FOXM1: variants seen among roughly 807,000 people sequenced by gnomAD.
The protein encoded by FOXM1 is forkhead box protein M1.
In FOXM1, 25 loss-of-function variants were observed where a neutral mutation model predicts 63.6. That is an observed-to-expected ratio of 0.39 (90% CI 0.29 to 0.55). The LOEUF (loss-of-function observed/expected upper bound fraction) is 0.55. Among genes scored for constraint, FOXM1 ranks in the 20% least tolerant of loss-of-function variants. The pLI is 0.60. For missense variants in FOXM1, 879 were observed against 958.7 expected (o/e 0.92, Z 1.10); for synonymous variants, 387 against 376.9 (o/e 1.03, Z -0.31).
chr12:2,859,519 G>C lies in FOXM1; in HGVS notation c.1411C>G (p.Pro471Ala). ...EEEIQPGEEM[P>A]HLARPIKVES... is the part of the protein sequence containing the mutation. ...ACTTTGATGGGTCTCGCTAAGTGTG[G>C]CATTTCCTCCCCAGGCTGGATTTCT... is the stretch of plus-strand genomic sequence containing the variant. Residue 471 changes from proline (P) to alanine (A), a missense_variant, in exon 9 of 9, where the codon CCA (proline) becomes GCA (alanine). Pro to Ala is a conservative substitution (Grantham distance 27). Coordinates refer to ENST00000359843, the MANE Select transcript of FOXM1 (RefSeq NM_021953.4). 6.2e-7 allele frequency: 1 copy of C among 1,613,998 alleles called. No homozygotes were observed. The highest frequency in any genetic ancestry group is 8.5e-7 in the Non-Finnish European group (1 of 1,179,996).
Position 2,859,317 on chromosome 12 carries a change from C to T in FOXM1, c.1613G>A (p.Arg538Lys). 1 of 1,613,556 alleles carries T rather than the reference C, an allele frequency of 6.2e-7. No individual in the cohort carries two copies. The highest frequency in any genetic ancestry group is 8.5e-7 in the Non-Finnish European group (1 of 1,179,948). Residue 538 changes from arginine to lysine, a missense_variant, in exon 9 of 9, where the codon AGG (arginine) becomes AAG (lysine). By Grantham distance (26) the Arg-to-Lys change is conservative (BLOSUM62 2). Transcript: ENST00000359843. ...TCTCCGAGACCGGCTCCTCTCCCTC[C>T]TCTCCCTGTGTTGAATCACAAGCAT... is the stretch of plus-strand genomic sequence containing the variant. The part of the protein sequence containing the change: ...SEMLVIQHRE[R>K]RERSRSRRKQ...
At position 2,864,999 on chromosome 12, in the gene FOXM1, C is replaced by T; in HGVS notation, c.1021-247G>A. On this transcript the variant is annotated intron_variant, in intron 6 of 8. Transcript: ENST00000359843. This position sits in a 1 kb window ranked among gnomAD's most constrained non-coding sequence, Gnocchi z 5.1. ...TACCGCTTCACCCACGTGTCCTCAA[C>T]ACCCCTGGGGGATGCCAGAGCAGGT... The T allele has an allele frequency of 1.7e-6, 1 of 595,056 alleles. No homozygotes were observed. Among genetic ancestry groups the T allele is most frequent in the Non-Finnish European group, 3.0e-6 (1 of 332,370 alleles). The allele number at this position is 595,056 out of a possible 1,614,324, so 36.9% of individuals were successfully genotyped here.
chr12:2,866,611 C>T (rs527842541), intron 4 of FOXM1, 90 bp from the exon 5 acceptor site: 5 of 1,366,512 alleles, frequency 3.7e-6, no homozygotes, highest in South Asian at 3.3e-5. Context: ...CCTCAGGCCC[C>T]TCCCACTGTG....
rs779755670 is a variant in FOXM1 at position 2,874,363 on chromosome 12, T to C, written c.116A>G (p.Gln39Arg). 11 of 1,614,120 alleles carry C rather than the reference T, an allele frequency of 6.8e-6. No homozygotes were observed. The highest frequency in any genetic ancestry group is 8.5e-6 in the Non-Finnish European group (10 of 1,180,026). ...EEEPKRSPAQ[Q>R]ESNQAEASKE... ...GGAGGCCTCTGCTTGATTAGACTCCTGTTGGGCAGGGGATCTCTTAGGTTC... is the reference window on the plus strand; with the variant it reads ...GGAGGCCTCTGCTTGATTAGACTCCCGTTGGGCAGGGGATCTCTTAGGTTC... The change falls in exon 2 of 9, where the codon CAG becomes CGG. Residue 39 changes from glutamine to arginine, a missense_variant. Around this residue, in one of 4 missense-constraint regions of FOXM1, gnomAD observed 255 missense variants for 292.4 expected, o/e 0.87. Coordinates refer to ENST00000359843, the MANE Select transcript of FOXM1 (RefSeq NM_021953.4). The surrounding 1 kb of genome is among the most constrained non-coding windows in gnomAD (Gnocchi z 4.3).
chr12:2,869,587 C>A (rs553137622), intron 3 of FOXM1, among the ~76,000 whole-genome samples: 10 of 151,894 alleles, frequency 6.6e-5, no homozygotes, highest in African/African-American at 2.4e-4. Context: ...AGGTGCCTGC[C>A]ACCACGCCCA....
At chr12:2,863,492 G>C (rs2098117688) in intron 8 of FOXM1, among the ~76,000 whole-genome samples, 1 of 151,318 alleles carries the variant, frequency 6.6e-6, no homozygotes, top group South Asian at 2.1e-4. Flanking sequence ...GGACTCAAGT[G>C]ATCCTTCTGC....
chr12:2,874,259 G>T lies in FOXM1; in HGVS notation c.220C>A (p.Gln74Lys), dbSNP rs1489288714. 2 of 1,614,078 alleles carry T rather than the reference G, an allele frequency of 1.2e-6. No individual in the cohort carries two copies. The highest frequency in any genetic ancestry group is 1.7e-6 in the Non-Finnish European group (2 of 1,180,058). ...IINHPTMPNT[Q>K]VVAIPNNANI... ...GCATTGTTGGGGATGGCCACTACTT[G>T]CGTGTTGGGCATGGTGGGGTGGTTA... The change falls in exon 2 of 9, where the codon CAA becomes AAA. Residue 74 changes from glutamine (Q) to lysine (K), a missense_variant. By Grantham distance (53) the Gln-to-Lys change is moderately conservative. Coordinates refer to ENST00000359843, the MANE Select transcript of FOXM1 (RefSeq NM_021953.4). This position sits in a 1 kb window ranked among gnomAD's most constrained non-coding sequence, Gnocchi z 4.3.
In FOXM1 at chr12:2,859,540, TTTC is replaced by T. The variant is rs865864039; in HGVS notation, c.1387_1389del (p.Glu463del). The T allele has an allele frequency of 3.0e-5, 49 of 1,613,964 alleles. No homozygotes were observed. The highest frequency in any genetic ancestry group is 3.9e-5 in the Non-Finnish European group (46 of 1,179,996). On this transcript the variant is annotated inframe_deletion, in exon 9 of 9. Transcript: ENST00000359843. ...TGTGGCATTTCCTCCCCAGGCTGGA[TTTC>T]TTCCTCCTTGATAGTCTGAACTGGA... is the stretch of plus-strand genomic sequence containing the variant.
intron 4 of FOXM1, among the ~76,000 whole-genome samples, chr12:2,867,102 A>G (rs28918671): frequency 0.041 from 6,161 of 152,002 alleles, 406 homozygotes; most frequent in African/African-American, 0.14. Flanking sequence ...GAAGTTAGCC[A>G]AGATCATGTC....
At chr12:2,862,157 C>T (rs1260254975) in intron 8 of FOXM1, among the ~76,000 whole-genome samples, 13 of 141,786 alleles carry the variant, frequency 9.2e-5, no homozygotes, top group African/African-American at 2.4e-4. Flanking sequence ...CCAGCCTGGG[C>T]GACAGAGTGA....
intron 8 of FOXM1, among the ~76,000 whole-genome samples, chr12:2,862,928 T>A: frequency 6.6e-6 from 1 of 152,172 alleles, no homozygotes; most frequent in African/African-American, 2.4e-5. Flanking sequence ...CTGAAGGGGA[T>A]GGGGGAAGCT....
chr12:2,872,192 C>G lies in FOXM1; in HGVS notation c.558G>C (p.Trp186Cys), dbSNP rs775957382. The G allele has an allele frequency of 4.3e-6, 7 of 1,614,090 alleles. No individual in the cohort carries two copies. The Admixed American group carries it at 6.7e-5, about 15-fold the overall frequency. The change falls in exon 3 of 9, where the codon TGG (tryptophan) becomes TGC (cysteine). Residue 186 changes from tryptophan (W) to cysteine (C), a missense_variant. By Grantham distance (215) the Trp-to-Cys change is radical. Coordinates refer to ENST00000359843, the MANE Select transcript of FOXM1 (RefSeq NM_021953.4). The surrounding 1 kb of genome is among the most constrained non-coding windows in gnomAD (Gnocchi z 4.0). Reference sequence around the variant, plus strand: ...GTCCATCAGAACTCATCTTTCGAAGCCACTGGATGTTGGATAGGCTATTGT... The same window carrying G: ...GTCCATCAGAACTCATCTTTCGAAGGCACTGGATGTTGGATAGGCTATTGT... The part of the protein sequence containing the change: ...TINNSLSNIQ[W>C]LRKMSSDGLG...
chr12:2,862,857 A>AT (rs2098116492), intron 8 of FOXM1, among the ~76,000 whole-genome samples: 1 of 151,946 alleles, frequency 6.6e-6, no homozygotes, highest in Non-Finnish European at 1.5e-5. Flanking sequence ...GATTTTATAT[A>AT]TTAAAAAAAA....
chr12:2,870,079 C>T (rs1245845975), intron 3 of FOXM1, among the ~76,000 whole-genome samples: 2 of 151,562 alleles, frequency 1.3e-5, no homozygotes, highest in African/African-American at 2.4e-5. Context: ...CAAGCTCTGC[C>T]TCCTGGGTTC....
rs1338704948 is a variant in FOXM1 at position 2,872,342 on chromosome 12, G to C, written c.503-95C>G. ...GGTGGCTAGCAGGCCGGGTGCAGTG[G>C]CTCACACCTGTAATCCTAGCACTTT... On this transcript the variant is annotated intron_variant, in intron 2 of 8. Coordinates refer to ENST00000359843, the MANE Select transcript of FOXM1 (RefSeq NM_021953.4). The surrounding 1 kb of genome is among the most constrained non-coding windows in gnomAD (Gnocchi z 4.0). The C allele has an allele frequency of 1.3e-5, 17 of 1,300,794 alleles. No individual in the cohort carries two copies. The highest frequency in any genetic ancestry group is 1.6e-5 in the Non-Finnish European group (15 of 915,164). The allele number at this position is 1,300,794 out of a possible 1,614,324, so 80.6% of individuals were successfully genotyped here.
In FOXM1 at chr12:2,859,277, C is replaced by T. The variant is rs556861533; in HGVS notation, c.1653G>A (p.Leu551=). 2.5e-6 allele frequency: 4 copies of T among 1,613,664 alleles called. No homozygotes were observed. Among genetic ancestry groups the T allele is most frequent in the Non-Finnish European group, 2.5e-6 (3 of 1,179,984 alleles). The change falls in exon 9 of 9, where the codon CTG becomes CTA. Residue 551 remains leucine (L), a synonymous_variant. Transcript: ENST00000359843. ...GCTCCGGCTCATCCACACAGGGAGG[C>T]AGTAGATGCTGTTTTCTCCGAGACC... The part of the protein sequence containing the change: ...RSRSRRKQHL[L]PPCVDEPELL...
In FOXM1 at chr12:2,872,371, A is replaced by C. The variant is rs2098134669; in HGVS notation, c.503-124T>G. On this transcript the variant is annotated intron_variant, in intron 2 of 8. Coordinates refer to ENST00000359843, the MANE Select transcript of FOXM1 (RefSeq NM_021953.4). This position sits in a 1 kb window ranked among gnomAD's most constrained non-coding sequence, Gnocchi z 4.0. ...ACACCTGTAATCCTAGCACTTTGGG[A>C]GGGCGAGGCGGGTGGATCTCCTGAG... 1.0e-6 allele frequency: 1 copy of C among 964,890 alleles called. No homozygotes were observed. The allele number at this position is 964,890 out of a possible 1,614,324, so 59.8% of individuals were successfully genotyped here. A position where few individuals can be genotyped will look rare whatever the true frequency, so the allele number is the denominator to read the frequency against.
At chr12:2,870,265 C>T (rs1039612189) in intron 3 of FOXM1, among the ~76,000 whole-genome samples, 8 of 152,090 alleles carry the variant, frequency 5.3e-5, no homozygotes, top group Non-Finnish European at 8.8e-5. Context: ...CATGAGTTAT[C>T]GCGCCTGGCC....
intron 1 of FOXM1, among the ~76,000 whole-genome samples, chr12:2,875,069 T>TGCAA (rs1351024288): frequency 6.7e-6 from 1 of 149,728 alleles, no homozygotes; most frequent in African/African-American, 2.5e-5. Flanking sequence ...CTCAGTTCAC[T>TGCAA]GCAACCTCTG....
Sources: gnomAD v4.1 joint callset for allele counts (sites outside exome capture counted in the v4.1 genomes callset) on GRCh38, gnomAD v4.1.1 for gene constraint, gnomAD v4.1.1 regional missense constraint, Gnocchi (gnomAD v3.1) non-coding constraint, MANE v1.5 for transcripts, NCBI Gene and HGNC (gene_info 2026-07-23, HGNC 2026-07-21) for gene names.